ZNF248: variants seen among roughly 807,000 people sequenced by gnomAD.
The protein encoded by ZNF248 is zinc finger protein 248.
A neutral mutation model predicts 44.3 loss-of-function variants in ZNF248; 20 were observed. The ratio of observed to expected loss-of-function variants is 0.45; its 90% confidence interval spans 0.32 to 0.66. The LOEUF is 0.66. ZNF248 is among the 30% of genes least tolerant of loss of function. The pLI is 0.04. For synonymous variants in ZNF248, 224 were observed against 229.0 expected, an observed-to-expected ratio of 0.98 and a Z score of 0.20; for missense variants, 654 against 677.0, an observed-to-expected ratio of 0.97 and a Z score of 0.38.
intron 3 of ZNF248, among the ~76,000 whole-genome samples, chr10:37,842,723 G>C (rs898936053): frequency 1.3e-5 from 2 of 152,162 alleles, no homozygotes; most frequent in African/African-American, 2.4e-5. Context: ...ATCTGCAGTC[G>C]TCTGCAGCAG....
chr10:37,822,005 G>A (rs1230012306), intron 6 of ZNF248, among the ~76,000 whole-genome samples: 2 of 152,162 alleles, frequency 1.3e-5, no homozygotes, highest in Non-Finnish European at 2.9e-5. Context: ...CTCCCTCAGA[G>A]GCTGGAGACA....
rs546467687 is a variant in ZNF248 at position 37,789,555 on chromosome 10, C to G, written c.331-12980G>C. On this transcript the variant is annotated intron_variant, in intron 6 of 6. Transcript: ENST00000615949. The stretch of plus-strand genomic sequence containing the variant: ...GGGACAGGGCAATGAAGATCTTTTT[C>G]TCTCAGGCAAGGTAAAACATAATTA... 4.3e-4 allele frequency among the ~76,000 whole-genome samples: 65 copies of G among 152,302 alleles called. 2 individuals are homozygous for G. The South Asian group carries it at 0.013, about 31-fold the overall frequency.
chr10:37,808,882 C>T (rs1208691), intron 6 of ZNF248, among the ~76,000 whole-genome samples: 11 of 150,236 alleles, frequency 7.3e-5, no homozygotes, highest in African/African-American at 2.7e-4. Context: ...GTTTTTTTTT[C>T]ATTACTGATG....
chr10:37,821,807 C>T (rs1399203355), intron 6 of ZNF248, among the ~76,000 whole-genome samples: 1 of 152,146 alleles, frequency 6.6e-6, no homozygotes, highest in Non-Finnish European at 1.5e-5. Context: ...AGTTTTGGAT[C>T]CCATCTACTA....
At chr10:37,786,147 ATC>A (rs2047852386) in intron 6 of ZNF248, among the ~76,000 whole-genome samples, 1 of 152,228 alleles carries the variant, frequency 6.6e-6, no homozygotes, top group Non-Finnish European at 1.5e-5. Flanking sequence ...CCTGCTAAAT[ATC>A]TGACTTTTCA....
chr10:37,787,636 A>G (rs1238783751), intron 6 of ZNF248, among the ~76,000 whole-genome samples: 1 of 123,670 alleles, frequency 8.1e-6, no homozygotes, highest in African/African-American at 3.3e-5. Context: ...ACAATTGTAT[A>G]TCCCCATGCC....
intron 3 of ZNF248, among the ~76,000 whole-genome samples, chr10:37,846,714 A>G (rs941494412): frequency 6.6e-6 from 1 of 152,168 alleles, no homozygotes; most frequent in East Asian, 1.9e-4. Flanking sequence ...AGTACACAAC[A>G]CAATCTATGA....
chr10:37,854,712 C>A (rs2134997910), intron 3 of ZNF248, among the ~76,000 whole-genome samples: 1 of 152,262 alleles, frequency 6.6e-6, no homozygotes, highest in South Asian at 2.1e-4. Context: ...AACATATACA[C>A]ACAAAATTAT....
intron 6 of ZNF248, among the ~76,000 whole-genome samples, chr10:37,796,949 GT>G (rs34510209): frequency 5.9e-4 from 88 of 149,198 alleles, no homozygotes; most frequent in African/African-American, 1.1e-3. Flanking sequence ...AACAAATATA[GT>G]TTTTTTTTTC....
the ZNF248 span, among the ~76,000 whole-genome samples, chr10:37,760,476 GC>G: frequency 9.9e-5 from 15 of 152,264 alleles, no homozygotes; most frequent in African/African-American, 3.6e-4. Context: ...ACCCACCTTG[GC>G]CTCCCAAAGT....
chr10:37,780,820 CCTCAG>C (rs2132882076), intron 6 of ZNF248, among the ~76,000 whole-genome samples: 1 of 152,314 alleles, frequency 6.6e-6, no homozygotes, highest in South Asian at 2.1e-4. Context: ...GCCCAAACCT[CCTCAG>C]CTCGCCTGCT....
chr10:37,764,806 C>A, the ZNF248 span, among the ~76,000 whole-genome samples: 1 of 152,152 alleles, frequency 6.6e-6, no homozygotes, highest in African/African-American at 2.4e-5. Flanking sequence ...ACTATATTCT[C>A]TATTTTATGT....
At chr10:37,790,570 C>T (rs546297141) in intron 6 of ZNF248, among the ~76,000 whole-genome samples, 3 of 151,228 alleles carry the variant, frequency 2.0e-5, no homozygotes, top group African/African-American at 4.9e-5. Context: ...ATTAGCTGGG[C>T]GTAGTGGCGC....
chr10:37,770,695 T>A, the ZNF248 span, among the ~76,000 whole-genome samples: 1 of 152,102 alleles, frequency 6.6e-6, no homozygotes, highest in Non-Finnish European at 1.5e-5. Flanking sequence ...GCAATACCAT[T>A]CAGGACACAG....
rs538493730 is a variant in ZNF248 at position 37,778,248 on chromosome 10, T to A, written c.331-1673A>T. ...CCATTCTAACTGGTGTGAGATGGTA[T>A]CTCATTGTGGTTTTGATTTGCATTT... On this transcript the variant is annotated intron_variant, in intron 6 of 6. Coordinates refer to the ZNF248 transcript ENST00000615949. 3.3e-5 allele frequency among the ~76,000 whole-genome samples: 5 copies of A among 150,844 alleles called. No homozygotes were observed. The East Asian group carries it at 9.7e-4, about 29-fold the overall frequency.
intron 3 of ZNF248, among the ~76,000 whole-genome samples, 174 bp from the exon 4 acceptor site, chr10:37,838,285 C>T (rs1180064551): frequency 2.0e-5 from 3 of 152,162 alleles, no homozygotes; most frequent in Admixed American, 6.5e-5. Flanking sequence ...TACTAAGGGT[C>T]TGGAATTGTG....
intron 6 of ZNF248, among the ~76,000 whole-genome samples, chr10:37,790,922 T>TAA (rs372371285): frequency 0.011 from 1,466 of 127,702 alleles, 35 homozygotes; most frequent in African/African-American, 0.04. Context: ...CCCATTATCT[T>TAA]AAAAAAAAAA....
chr10:37,766,133 C>T, the ZNF248 span, among the ~76,000 whole-genome samples: 116 of 152,372 alleles, frequency 7.6e-4, no homozygotes, highest in Non-Finnish European at 1.5e-3. Flanking sequence ...GTGGAGCCCA[C>T]CACAGCTCAA....
At position 37,830,310 on chromosome 10, in the gene ZNF248, T is replaced by G. The variant is rs1489931819; in HGVS notation, c.*1305A>C. ...GTACTGTTTAACTTCTTTACTGAAG[T>G]GATAGTTCAATAATGGCCATATTCA... is the stretch of plus-strand genomic sequence containing the variant. On this transcript the variant is annotated 3_prime_UTR_variant, in exon 6 of 6. Coordinates refer to ENST00000395867, the MANE Select transcript of ZNF248 (RefSeq NM_021045.3). 1.0e-6 allele frequency: 1 copy of G among 985,184 alleles called. No homozygotes were observed. The highest frequency in any genetic ancestry group is 1.7e-5 in the African/African-American group (1 of 57,192). The allele number at this position is 985,184 out of a possible 1,614,324, so 61.0% of individuals were successfully genotyped here.
Sources: allele counts gnomAD v4.1 joint callset (sites outside exome capture counted in the v4.1 genomes callset), GRCh38; gene constraint gnomAD v4.1.1; transcripts MANE v1.5; gene names NCBI Gene and HGNC (gene_info 2026-07-23, HGNC 2026-07-21).